Variants in UBE2R2 observed in about 807,000 individuals in gnomAD.
The protein encoded by UBE2R2 is ubiquitin-conjugating enzyme E2 R2.
In UBE2R2, 1 loss-of-function variant was observed where a neutral mutation model predicts 27.8. The ratio of observed to expected loss-of-function variants is 0.04; its 90% CI spans 0.01 to 0.17. The LOEUF is 0.17. Among genes scored for constraint, UBE2R2 ranks in the 10% least tolerant of loss-of-function variants. The pLI, the probability that UBE2R2 is intolerant of heterozygous loss-of-function variation, is 1.00. For missense variants in UBE2R2, 100 were observed against 291.0 expected (o/e 0.34, Z 4.78); for synonymous variants, 106 against 113.3 (o/e 0.94, Z 0.41).
intron 3 of UBE2R2, among the ~76,000 whole-genome samples, 194 bp from the exon 4 acceptor site, chr9:33,911,764 ATTTTTC>A (rs1287636292): frequency 6.6e-6 from 1 of 151,884 alleles, no homozygotes; most frequent in South Asian, 2.1e-4. Context: ...ATTTTTTTTT[ATTTTTC>A]TTAAATGCCT....
rs1202439634 is a variant in UBE2R2 at position 33,817,642 on chromosome 9, C to T, written c.-116C>T. 1.8e-5 allele frequency: 20 copies of T among 1,118,218 alleles called. No homozygotes were observed. The highest frequency in any genetic ancestry group is 2.1e-5 in the Non-Finnish European group (19 of 916,136). 69.3% of individuals were successfully genotyped at this position (1,118,218 alleles called of 1,614,324 possible). A position where few individuals can be genotyped will look rare whatever the true frequency, so the allele number is the denominator to read the frequency against. ...TCTGGCCCGCCGGGTGTGTGAAGAC[C>T]GGGGCCCGGTGCTGCCCGGCCGGAG... On this transcript the variant is annotated 5_prime_UTR_variant, in exon 1 of 5. Coordinates refer to ENST00000263228, the MANE Select transcript of UBE2R2 (RefSeq NM_017811.4).
intron 1 of UBE2R2, among the ~76,000 whole-genome samples, chr9:33,832,109 G>T (rs1267595208): frequency 6.8e-6 from 1 of 146,606 alleles, no homozygotes; most frequent in Admixed American, 6.8e-5. Context: ...GGGAGTTCGA[G>T]ACCAGCCTGA....
chr9:33,836,167 G>A (rs764500097), intron 1 of UBE2R2, among the ~76,000 whole-genome samples: 16 of 152,054 alleles, frequency 1.1e-4, no homozygotes, highest in East Asian at 3.9e-4. Flanking sequence ...TTAGCTGGGC[G>A]TGGTGGGAGG....
At chr9:33,893,852 G>C (rs956250512) in intron 2 of UBE2R2, among the ~76,000 whole-genome samples, 1 of 152,110 alleles carries the variant, frequency 6.6e-6, no homozygotes, top group Admixed American at 6.5e-5. Flanking sequence ...GGCTGATCTA[G>C]AACTCCTGGC....
At chr9:33,906,087 T>A (rs1421884953) in intron 3 of UBE2R2, among the ~76,000 whole-genome samples, 1 of 150,716 alleles carries the variant, frequency 6.6e-6, no homozygotes, top group Non-Finnish European at 1.5e-5. Flanking sequence ...GTTTTGTTGT[T>A]GTTGTTGTCG....
intron 3 of UBE2R2, among the ~76,000 whole-genome samples, chr9:33,902,006 C>T (rs567017737): frequency 6.6e-5 from 10 of 151,478 alleles, no homozygotes; most frequent in African/African-American, 1.9e-4. Context: ...CTCAACCTCC[C>T]GGGCTTGAGC....
chr9:33,833,565 T>A (rs997154673), intron 1 of UBE2R2, among the ~76,000 whole-genome samples: 1 of 152,236 alleles, frequency 6.6e-6, no homozygotes, highest in Non-Finnish European at 1.5e-5. Flanking sequence ...TGGAAGATTA[T>A]ATGAAAAGAA....
intron 1 of UBE2R2, among the ~76,000 whole-genome samples, chr9:33,843,742 TG>T (rs1402356500): frequency 6.6e-6 from 1 of 152,224 alleles, no homozygotes; most frequent in Non-Finnish European, 1.5e-5. Flanking sequence ...CTCAGAGTGC[TG>T]GGATTACAGG....
intron 1 of UBE2R2, among the ~76,000 whole-genome samples, chr9:33,851,363 C>A (rs1820963521): frequency 6.6e-6 from 1 of 152,074 alleles, no homozygotes; most frequent in African/African-American, 2.4e-5. Context: ...AATTCTCAGC[C>A]CCCATTTAGT....
chr9:33,847,538 C>T lies in UBE2R2; in HGVS notation c.177+29604C>T, dbSNP rs569600311. On this transcript the variant is annotated intron_variant, in intron 1 of 4. Coordinates refer to ENST00000263228, the MANE Select transcript of UBE2R2 (RefSeq NM_017811.4). ...ATGTGCATGGGTGTGGTTTTCTTTCCTGCCTTTGGTTCACTGAGCTTCTTT... is the reference window on the plus strand; with the variant it reads ...ATGTGCATGGGTGTGGTTTTCTTTCTTGCCTTTGGTTCACTGAGCTTCTTT... 2.0e-5 allele frequency among the ~76,000 whole-genome samples: 3 copies of T among 152,026 alleles called. No homozygotes were observed. In the South Asian group the frequency reaches 6.2e-4, roughly 31 times the overall value.
rs888701526 is a variant in UBE2R2 at position 33,918,325 on chromosome 9, A to G, written c.*1088A>G. 3 of 152,010 alleles carry G rather than the reference A, an allele frequency of 2.0e-5. No individual in the cohort carries two copies. The highest frequency in any genetic ancestry group is 4.8e-5 in the African/African-American group (2 of 41,362). The allele number at this position is 152,010 out of a possible 1,614,324, so 9.4% of individuals were successfully genotyped here. A position where few individuals can be genotyped will look rare whatever the true frequency, so the allele number is the denominator to read the frequency against. ...TTTCGGTTTTCATCGAGCTGCTTAT[A>G]CTGATAGTGAAAAACTTGGATGTGT... On this transcript the variant is annotated 3_prime_UTR_variant, in exon 5 of 5. Transcript: ENST00000263228.
At chr9:33,832,390 C>T (rs1460099998) in intron 1 of UBE2R2, among the ~76,000 whole-genome samples, 1 of 151,294 alleles carries the variant, frequency 6.6e-6, no homozygotes, top group East Asian at 1.9e-4. Context: ...GGCGCTGTGG[C>T]TCATGCCTGT....
chr9:33,869,199 G>T (rs1821427561), intron 1 of UBE2R2, among the ~76,000 whole-genome samples: 1 of 152,108 alleles, frequency 6.6e-6, no homozygotes, highest in Admixed American at 6.6e-5. Flanking sequence ...AGCCCGGGAG[G>T]TCGAGGCTGC....
intron 1 of UBE2R2, among the ~76,000 whole-genome samples, chr9:33,838,808 C>T (rs923336924): frequency 1.3e-4 from 20 of 151,428 alleles, no homozygotes; most frequent in African/African-American, 4.1e-4. Flanking sequence ...TCTGGCCAGT[C>T]GTGGTGGTTC....
chr9:33,869,070 C>T (rs1033581949), intron 1 of UBE2R2, among the ~76,000 whole-genome samples: 2 of 152,152 alleles, frequency 1.3e-5, no homozygotes, highest in South Asian at 2.1e-4. Flanking sequence ...GAGCTCAAGA[C>T]CAGCCTGGGC....
intron 1 of UBE2R2, among the ~76,000 whole-genome samples, chr9:33,865,428 C>T (rs1370147574): frequency 6.6e-6 from 1 of 150,512 alleles, no homozygotes; most frequent in African/African-American, 2.5e-5. Context: ...GATCTCCTGA[C>T]CTCGTGATCT....
chr9:33,826,145 C>CAAA (rs36036831), intron 1 of UBE2R2, among the ~76,000 whole-genome samples: 34 of 102,604 alleles, frequency 3.3e-4, no homozygotes, highest in South Asian at 9.1e-4. Context: ...GACTCTGTCT[C>CAAA]AAAAAAAAAA....
At chr9:33,914,506 T>G (rs189926752) in intron 4 of UBE2R2, among the ~76,000 whole-genome samples, 1 of 152,248 alleles carries the variant, frequency 6.6e-6, no homozygotes, top group Non-Finnish European at 1.5e-5. Context: ...TAAATATTTT[T>G]GGGAGGGAAG....
At chr9:33,831,861 A>G (rs1286509840) in intron 1 of UBE2R2, among the ~76,000 whole-genome samples, 1 of 151,646 alleles carries the variant, frequency 6.6e-6, no homozygotes, top group African/African-American at 2.4e-5. Flanking sequence ...GGGTTTTTCC[A>G]TGTTGATCAG....
Sources: allele counts gnomAD v4.1 joint callset (sites outside exome capture counted in the v4.1 genomes callset), GRCh38; gene constraint gnomAD v4.1.1; transcripts MANE v1.5; gene names NCBI Gene and HGNC (gene_info 2026-07-23, HGNC 2026-07-21).